CNTNAP2: variants seen among roughly 807,000 people sequenced by gnomAD.
CNTNAP2 encodes the protein contactin-associated protein-like 2.
In CNTNAP2, 98 loss-of-function variants were observed where a neutral mutation model predicts 155.2. That is an observed-to-expected ratio of 0.63 (90% CI 0.54 to 0.75). The LOEUF (loss-of-function observed/expected upper bound fraction) is 0.75. Among genes scored for constraint, CNTNAP2 ranks in the 30% least tolerant of loss-of-function variants. CNTNAP2 has a pLI of 0.00. For synonymous variants in CNTNAP2, 651 were observed against 631.2 expected (o/e 1.03, Z -0.47); for missense variants, 1,727 against 1,688.1 (o/e 1.02, Z -0.40).
intron 12 of CNTNAP2, among the ~76,000 whole-genome samples, chr7:147,602,727 A>G (rs1800977315): frequency 6.6e-6 from 1 of 150,778 alleles, no homozygotes; most frequent in Admixed American, 6.6e-5. Flanking sequence ...CCTATGAGTG[A>G]GAATGCGCAG....
intron 1 of CNTNAP2, among the ~76,000 whole-genome samples, chr7:146,707,403 A>C (rs564443467): frequency 7.2e-5 from 11 of 152,190 alleles, no homozygotes; most frequent in Non-Finnish European, 1.2e-4. Context: ...CAATGACTAC[A>C]TGTTGAACAC....
intron 13 of CNTNAP2, among the ~76,000 whole-genome samples, chr7:147,684,837 T>G (rs769885868): frequency 6.6e-6 from 1 of 152,004 alleles, no homozygotes; most frequent in Non-Finnish European, 1.5e-5. Flanking sequence ...TAGCTATTGA[T>G]GAGACCTACT....
At chr7:146,413,332 G>A (rs1795893306) in intron 1 of CNTNAP2, among the ~76,000 whole-genome samples, 1 of 152,132 alleles carries the variant, frequency 6.6e-6, no homozygotes, top group South Asian at 2.1e-4. Flanking sequence ...CCTTCCACTT[G>A]CAACTTGCTG....
At chr7:146,485,764 T>G (rs1209840240) in intron 1 of CNTNAP2, among the ~76,000 whole-genome samples, 2 of 151,778 alleles carry the variant, frequency 1.3e-5, no homozygotes, top group African/African-American at 4.8e-5. Context: ...GGAGCTTCCT[T>G]AAATAATAAC....
At position 147,462,411 on chromosome 7, in the gene CNTNAP2, A is replaced by G. The variant is rs17170526; in HGVS notation, c.1671-23524A>G. ...TTACTTCTCACTAGTGGTTTCTTCA[A>G]TAGACCTTAAAGATACCTTCTCTAG... On this transcript the variant is annotated intron_variant, in intron 10 of 23. Transcript: ENST00000361727. Among the ~76,000 whole-genome samples the G allele has an allele frequency of 5.9e-3, 903 of 152,338 alleles. 25 individuals are homozygous for G. Among genetic ancestry groups the G allele is most frequent in the East Asian group, 0.039 (203 of 5,178 alleles).
At chr7:147,245,761 CAAAAAAAA>C (rs34304342) in intron 8 of CNTNAP2, among the ~76,000 whole-genome samples, 1 of 85,234 alleles carries the variant, frequency 1.2e-5, no homozygotes, top group Non-Finnish European at 2.1e-5. Context: ...GACTCTGTCT[CAAAAAAAA>C]AAAAAAAAAA....
At chr7:147,933,459 G>T (rs1800543253) in intron 14 of CNTNAP2, among the ~76,000 whole-genome samples, 1 of 151,590 alleles carries the variant, frequency 6.6e-6, no homozygotes, top group African/African-American at 2.4e-5. Flanking sequence ...AGAAAATATG[G>T]TATATATGTA....
At chr7:148,269,197 G>A (rs1174364135) in intron 21 of CNTNAP2, among the ~76,000 whole-genome samples, 1 of 152,114 alleles carries the variant, frequency 6.6e-6, no homozygotes, top group Non-Finnish European at 1.5e-5. Context: ...TAAATCAAAG[G>A]GTGGAACTGG....
At chr7:147,744,473 C>T (rs977479972) in intron 13 of CNTNAP2, among the ~76,000 whole-genome samples, 1 of 152,184 alleles carries the variant, frequency 6.6e-6, no homozygotes, top group Admixed American at 6.5e-5. Context: ...ATGTAGCGCT[C>T]TCCTTCATGC....
At chr7:147,201,702 T>C (rs1465221437) in intron 8 of CNTNAP2, among the ~76,000 whole-genome samples, 2 of 152,122 alleles carry the variant, frequency 1.3e-5, no homozygotes, top group East Asian at 1.9e-4. Flanking sequence ...CTAATGTGGA[T>C]AGGAATTGGA....
chr7:146,654,910 T>C (rs1466923874), intron 1 of CNTNAP2, among the ~76,000 whole-genome samples: 2 of 152,090 alleles, frequency 1.3e-5, no homozygotes, highest in Non-Finnish European at 2.9e-5. Flanking sequence ...AATTGGAAAA[T>C]TAAGTGGATC....
At chr7:147,678,512 A>G (rs1186749652) in intron 13 of CNTNAP2, among the ~76,000 whole-genome samples, 1 of 151,878 alleles carries the variant, frequency 6.6e-6, no homozygotes, top group Admixed American at 6.6e-5. Context: ...GTCTTAACTG[A>G]CTACAGAATG....
At chr7:146,890,626 C>G (rs1280043000) in intron 3 of CNTNAP2, among the ~76,000 whole-genome samples, 1 of 152,000 alleles carries the variant, frequency 6.6e-6, no homozygotes, top group Admixed American at 6.6e-5. Flanking sequence ...TGATCATGAG[C>G]TAAAAAACAA....
At chr7:148,148,118 G>A (rs115126236) in intron 17 of CNTNAP2, among the ~76,000 whole-genome samples, 2,687 of 152,018 alleles carry the variant, frequency 0.018, 88 homozygotes, top group African/African-American at 0.061. Flanking sequence ...GAGGAAATGG[G>A]CTAAGTTCAG....
At chr7:147,354,403 C>A (rs962583929) in intron 9 of CNTNAP2, among the ~76,000 whole-genome samples, 2 of 152,102 alleles carry the variant, frequency 1.3e-5, no homozygotes, top group African/African-American at 4.8e-5. Flanking sequence ...ATCCTTTCCC[C>A]ATTGCTTGTT....
intron 3 of CNTNAP2, among the ~76,000 whole-genome samples, chr7:147,022,673 G>T (rs1219981752): frequency 6.7e-6 from 1 of 148,196 alleles, no homozygotes; most frequent in Non-Finnish European, 1.5e-5. Flanking sequence ...TTGTTAATGT[G>T]TTTCCATCAT....
chr7:147,122,698 C>G (rs1563084433), intron 6 of CNTNAP2: 1 of 152,200 alleles, frequency 6.6e-6, no homozygotes, highest in Non-Finnish European at 1.5e-5. Flanking sequence ...GAACAGTAAA[C>G]TACCTTAAGC....
At chr7:146,633,047 T>C (rs1231111950) in intron 1 of CNTNAP2, among the ~76,000 whole-genome samples, 1 of 152,142 alleles carries the variant, frequency 6.6e-6, no homozygotes, top group African/African-American at 2.4e-5. Flanking sequence ...AAAAGAGAAC[T>C]GTCTACTTTT....
intron 1 of CNTNAP2, among the ~76,000 whole-genome samples, chr7:146,427,174 A>C (rs948728597): frequency 6.6e-6 from 1 of 152,184 alleles, no homozygotes; most frequent in Non-Finnish European, 1.5e-5. Flanking sequence ...CTTTAAATAG[A>C]TCGCTTTTAA....
Sources: allele counts gnomAD v4.1 joint callset (sites outside exome capture counted in the v4.1 genomes callset), GRCh38; gene constraint gnomAD v4.1.1; transcripts MANE v1.5; gene names NCBI Gene and HGNC (gene_info 2026-07-23, HGNC 2026-07-21).